Variants in ZNF713 observed in about 807,000 individuals in gnomAD.
ZNF713 encodes zinc finger protein 713.
In ZNF713, 21 loss-of-function variants were observed where a neutral mutation model predicts 28.7. That is an observed-to-expected ratio of 0.73 (90% confidence interval 0.52 to 1.05). The LOEUF (loss-of-function observed/expected upper bound fraction) is 1.05, where lower values mean the gene tolerates loss of function less well. Ranked by LOEUF, ZNF713 falls within the 50% of genes least tolerant of loss-of-function variation. The pLI, the probability that ZNF713 is intolerant of heterozygous loss-of-function variation, is 0.00. For missense variants in ZNF713, 458 were observed against 532.4 expected, an observed-to-expected ratio of 0.86 and a Z score of 1.37; for synonymous variants, 167 against 178.0, an observed-to-expected ratio of 0.94 and a Z score of 0.49.
At chr7:55,937,172 T>C (rs1007432141) in intron 6 of ZNF713, among the ~76,000 whole-genome samples, 4 of 152,030 alleles carry the variant, frequency 2.6e-5, no homozygotes, top group East Asian at 3.9e-4. Context: ...TAGTGGTGCA[T>C]GCCTGTGGTC....
chr7:55,923,968 C>G, intron 6 of ZNF713: 1 of 238,188 alleles, frequency 4.2e-6, no homozygotes, highest in Non-Finnish European at 8.4e-6. Context: ...CCATAAATAT[C>G]TTGATATTAC....
rs369413197 is a variant in ZNF713 at position 55,918,147 on chromosome 7, A to G, written c.88-5015A>G. The stretch of plus-strand genomic sequence containing the variant: ...GATCATAAATGGCAGTAAGACTTCT[A>G]CCTCATTCTGTTGGGATGCTTACTC... On this transcript the variant is annotated intron_variant, in intron 4 of 6. Transcript: ENST00000429591. 73 of 456,558 alleles carry G rather than the reference A, an allele frequency of 1.6e-4. No homozygotes were observed. In the East Asian group the frequency reaches 4.7e-3, roughly 29 times the overall value. The allele number at this position is 456,558 out of a possible 1,614,324, so 28.3% of individuals were successfully genotyped here.
intron 1 of ZNF713, among the ~76,000 whole-genome samples, chr7:55,890,234 G>A (rs1214833038): frequency 6.6e-6 from 1 of 152,110 alleles, no homozygotes; most frequent in Non-Finnish European, 1.5e-5. Flanking sequence ...TGGATCACCT[G>A]AGGTCAGGAG....
intron 1 of ZNF713, among the ~76,000 whole-genome samples, chr7:55,905,900 G>A (rs923705327): frequency 6.6e-6 from 1 of 151,734 alleles, no homozygotes; most frequent in Admixed American, 6.6e-5. Flanking sequence ...TCAGGAGTTC[G>A]AGACCATCCT....
chr7:55,909,551 A>AT (rs1363078725), intron 2 of ZNF713, among the ~76,000 whole-genome samples: 1 of 152,028 alleles, frequency 6.6e-6, no homozygotes, highest in Non-Finnish European at 1.5e-5. Flanking sequence ...GAATTTTAGG[A>AT]TTGTTGTTTC....
intron 6 of ZNF713, among the ~76,000 whole-genome samples, chr7:55,932,839 G>C (rs1786264421): frequency 7.8e-6 from 1 of 128,092 alleles, no homozygotes; most frequent in African/African-American, 3.0e-5. Flanking sequence ...AGCCGAGATT[G>C]CGCCACTGCA....
chr7:55,895,478 T>C, intron 1 of ZNF713, among the ~76,000 whole-genome samples: 1 of 95,504 alleles, frequency 1.0e-5, no homozygotes, highest in East Asian at 4.8e-4. Flanking sequence ...TTTTTTTTTT[T>C]TTTTTTTGAG....
intron 4 of ZNF713, among the ~76,000 whole-genome samples, chr7:55,922,537 CAAAAA>C (rs71015126): frequency 1.2e-5 from 1 of 86,450 alleles, no homozygotes. Context: ...GACTCTGTCT[CAAAAA>C]AAAAAAAAAA....
At position 55,940,366 on chromosome 7, in the gene ZNF713, C is replaced by G; in HGVS notation, c.*360C>G. 1.2e-6 allele frequency: 1 copy of G among 828,838 alleles called. No individual in the cohort carries two copies. Among genetic ancestry groups the G allele is most frequent in the Non-Finnish European group, 1.5e-6 (1 of 683,688 alleles). 51.3% of individuals were successfully genotyped at this position (828,838 alleles called of 1,614,324 possible). A position where few individuals can be genotyped will look rare whatever the true frequency, so the allele number is the denominator to read the frequency against. ...CTCGAACTCCTAACCTCAGGTGATC[C>G]GCCCACCTCGGCCTCCCAAAGTGCT... On this transcript the variant is annotated 3_prime_UTR_variant, in exon 7 of 7. Coordinates refer to ENST00000429591, the MANE Select transcript of ZNF713 (RefSeq NM_182633.3).
intron 4 of ZNF713, among the ~76,000 whole-genome samples, chr7:55,918,666 G>A (rs994696969): frequency 7.9e-5 from 12 of 152,258 alleles, no homozygotes; most frequent in Middle Eastern, 3.4e-3. Context: ...GAGGACCCTC[G>A]AAGAAGAAAT....
intron 1 of ZNF713, among the ~76,000 whole-genome samples, chr7:55,888,155 G>A (rs1272813653): frequency 2.6e-5 from 4 of 151,956 alleles, no homozygotes; most frequent in Non-Finnish European, 4.4e-5. Flanking sequence ...TTATGCAAAC[G>A]TTCGGCTTTA....
chr7:55,888,180 G>A (rs1384557589), intron 1 of ZNF713, among the ~76,000 whole-genome samples: 1 of 151,934 alleles, frequency 6.6e-6, no homozygotes, highest in Admixed American at 6.6e-5. Flanking sequence ...CTTATAATAC[G>A]TTTAAAGAAT....
At chr7:55,917,582 G>C (rs1332685043) in intron 4 of ZNF713, among the ~76,000 whole-genome samples, 2 of 151,960 alleles carry the variant, frequency 1.3e-5, no homozygotes, top group African/African-American at 4.8e-5. Context: ...GTGTGCACCT[G>C]TAGTCCCAGC....
At chr7:55,906,807 C>G (rs936534628) in intron 2 of ZNF713, among the ~76,000 whole-genome samples, 1 of 152,094 alleles carries the variant, frequency 6.6e-6, no homozygotes, top group Non-Finnish European at 1.5e-5. Context: ...ACATGGTGGT[C>G]GTAAGCAGCA....
At chr7:55,930,180 C>T (rs1475863811) in intron 6 of ZNF713, among the ~76,000 whole-genome samples, 6 of 152,114 alleles carry the variant, frequency 3.9e-5, no homozygotes, top group Non-Finnish European at 5.9e-5. Flanking sequence ...TTAAAGGAAT[C>T]CAGATACATT....
chr7:55,915,073 C>T (rs1033532573), intron 4 of ZNF713, among the ~76,000 whole-genome samples: 6 of 152,012 alleles, frequency 3.9e-5, no homozygotes, highest in African/African-American at 7.2e-5. Context: ...CAGGCTAGTC[C>T]GCCCCCATCA....
intron 1 of ZNF713, among the ~76,000 whole-genome samples, chr7:55,904,259 T>G (rs1402700274): frequency 8.9e-6 from 1 of 112,346 alleles, no homozygotes; most frequent in Non-Finnish European, 2.0e-5. Context: ...CTAAGGAGTT[T>G]GAAACCAGCC....
At chr7:55,896,102 T>C (rs770182406) in intron 1 of ZNF713, among the ~76,000 whole-genome samples, 1 of 152,152 alleles carries the variant, frequency 6.6e-6, no homozygotes, top group Non-Finnish European at 1.5e-5. Flanking sequence ...GTTACATTTG[T>C]ATGTTTTTCT....
In ZNF713 at chr7:55,936,516, C is replaced by A. The variant is rs537676272; in HGVS notation, c.308-2466C>A. ...AGACAATAATTATCTGGTTACCCAA[C>A]TTCAAGGGGACCACTCTGGCACCTG... On this transcript the variant is annotated intron_variant, in intron 6 of 6. Transcript: ENST00000429591. Among the ~76,000 whole-genome samples the A allele has an allele frequency of 2.6e-5, 4 of 152,272 alleles. No homozygotes were observed. The East Asian group carries it at 7.7e-4, about 29-fold the overall frequency.
Sources: allele counts gnomAD v4.1 joint callset (sites outside exome capture counted in the v4.1 genomes callset), GRCh38; gene constraint gnomAD v4.1.1; transcripts MANE v1.5; gene names NCBI Gene and HGNC (gene_info 2026-07-23, HGNC 2026-07-21).